Variants in RBFOX1 observed in about 807,000 individuals in gnomAD.
RBFOX1 encodes the protein RNA binding fox-1 homolog 1.
Under a neutral mutation model 57.7 loss-of-function variants are expected in RBFOX1, and 8 were observed. That is an observed-to-expected ratio of 0.14 (90% CI 0.08 to 0.25). RBFOX1 has a LOEUF of 0.25. Ranked by LOEUF, RBFOX1 falls within the 10% of genes least tolerant of loss-of-function variation. RBFOX1 has a pLI of 1.00. For synonymous variants in RBFOX1, 326 were observed against 222.4 expected (o/e 1.47, Z -4.15); for missense variants, 611 against 548.5 (o/e 1.11, Z -1.14).
At chr16:7,119,429 T>G (rs1038103) in intron 4 of RBFOX1, among the ~76,000 whole-genome samples, 97,883 of 151,946 alleles carry the variant, frequency 0.64, 31,844 homozygotes, top group East Asian at 0.88. Context: ...TCAAATTACT[T>G]TGGCAGACAG....
At chr16:7,334,885 C>G (rs1312610312) in intron 4 of RBFOX1, among the ~76,000 whole-genome samples, 2 of 152,138 alleles carry the variant, frequency 1.3e-5, no homozygotes, top group Non-Finnish European at 2.9e-5. Context: ...CTGTGTTTTT[C>G]CAAGCGACAC....
At chr16:5,687,173 C>G (rs1485510154) in intron 3 of RBFOX1, among the ~76,000 whole-genome samples, 1 of 152,066 alleles carries the variant, frequency 6.6e-6, no homozygotes, top group East Asian at 1.9e-4. Context: ...CAGACTTCTC[C>G]CAGTACAGTG....
chr16:7,566,856 C>T lies in RBFOX1; in HGVS notation c.271-12921C>T, dbSNP rs899774043. The stretch of plus-strand genomic sequence containing the variant: ...AGGGAGCTTGTGAACTTTCTGAAAT[C>T]GTATGCAAAATTTAGGTGTATGTGT... On this transcript the variant is annotated intron_variant, in intron 5 of 15. Coordinates refer to ENST00000550418, the MANE Select transcript of RBFOX1 (RefSeq NM_018723.4). Among the ~76,000 whole-genome samples the T allele has an allele frequency of 1.6e-4, 24 of 151,732 alleles. 1 individual carries two copies. The highest frequency in any genetic ancestry group is 5.8e-4 in the African/African-American group (24 of 41,304).
intron 3 of RBFOX1, among the ~76,000 whole-genome samples, chr16:6,680,919 T>C (rs2058555633): frequency 6.6e-6 from 1 of 152,208 alleles, no homozygotes; most frequent in Non-Finnish European, 1.5e-5. Context: ...AAGATTACAA[T>C]ATAAATGCAA....
In RBFOX1 at chr16:5,893,271, C is replaced by T. The variant is rs139736351; in HGVS notation, c.351+25936C>T. ...TAGCATAGTATTTTACAAGTAAATA[C>T]GTGGCAGCCTTTGAAGGTGTTAAGA... On this transcript the variant is annotated intron_variant, in intron 4 of 19. Transcript: ENST00000641259. Among the ~76,000 whole-genome samples, 641 of 152,268 alleles carry T rather than the reference C, an allele frequency of 4.2e-3. 3 individuals are homozygous for T. The highest frequency in any genetic ancestry group is 0.013 in the African/African-American group (557 of 41,540).
At chr16:5,851,437 T>C (rs2056895143) in intron 3 of RBFOX1, among the ~76,000 whole-genome samples, 1 of 152,160 alleles carries the variant, frequency 6.6e-6, no homozygotes, top group Admixed American at 6.6e-5. Flanking sequence ...TTCCTCTGTG[T>C]GTTTTCCAAG....
At chr16:5,553,994 A>G (rs1402986707) in intron 2 of RBFOX1, among the ~76,000 whole-genome samples, 1 of 145,638 alleles carries the variant, frequency 6.9e-6, no homozygotes, top group Non-Finnish European at 1.5e-5. Context: ...TTTGAGACAG[A>G]GTCTTGCTGT....
chr16:6,852,863 C>A (rs1321991254), intron 3 of RBFOX1, among the ~76,000 whole-genome samples: 1 of 151,838 alleles, frequency 6.6e-6, no homozygotes, highest in Non-Finnish European at 1.5e-5. Flanking sequence ...AACTGCTGTC[C>A]AGGTGAGGTG....
intron 2 of RBFOX1, among the ~76,000 whole-genome samples, chr16:5,522,305 C>T: frequency 6.6e-6 from 1 of 152,286 alleles, no homozygotes; most frequent in South Asian, 2.1e-4. Flanking sequence ...CATAATAGAG[C>T]TCATCTTGGT....
chr16:5,447,378 A>ATCTCTCTCTCTCTCTCTCTCTCTCTC (rs71142623), intron 1 of RBFOX1, among the ~76,000 whole-genome samples: 19 of 134,452 alleles, frequency 1.4e-4, no homozygotes, highest in African/African-American at 5.1e-4. Flanking sequence ...CAATCAATCA[A>ATCTCTCTCTCTCTCTCTCTCTCTCTC]TCTCTCTCTC....
At chr16:7,696,709 T>G (rs1198628859) in intron 14 of RBFOX1, among the ~76,000 whole-genome samples, 7 of 152,058 alleles carry the variant, frequency 4.6e-5, no homozygotes, top group Non-Finnish European at 2.9e-5. Context: ...ATAATATATA[T>G]GCATAGTAAG....
rs1235985275 is a variant in RBFOX1, at chr16:6,797,161, G to C, written c.-16+142511G>C. Among the ~76,000 whole-genome samples the C allele has an allele frequency of 2.0e-5, 3 of 152,182 alleles. No homozygotes were observed. The East Asian group carries it at 5.8e-4, about 29-fold the overall frequency. ...ACTCTGCAGATAGGCAGCAGCAGCA[G>C]CAGAATTTGTTAGCAAGGATCAGTC... On this transcript the variant is annotated intron_variant, in intron 3 of 15. Transcript: ENST00000550418.
intron 4 of RBFOX1, among the ~76,000 whole-genome samples, chr16:7,161,151 CT>C (rs2078244841): frequency 6.6e-6 from 1 of 152,102 alleles, no homozygotes; most frequent in Admixed American, 6.6e-5. Flanking sequence ...TTTTATACCA[CT>C]TTCTATCTCT....
At chr16:6,931,206 A>G (rs1448551271) in intron 3 of RBFOX1, among the ~76,000 whole-genome samples, 1 of 149,438 alleles carries the variant, frequency 6.7e-6, no homozygotes, top group Non-Finnish European at 1.5e-5. Flanking sequence ...AATATTTTTA[A>G]CCTCTTCTCT....
chr16:7,545,942 C>T (rs142080767), intron 5 of RBFOX1, among the ~76,000 whole-genome samples: 1 of 150,368 alleles, frequency 6.7e-6, no homozygotes, highest in South Asian at 2.1e-4. Flanking sequence ...CAGATGTGAG[C>T]ATGCCTTAGA....
chr16:6,715,252 G>A (rs1327155965), intron 3 of RBFOX1, among the ~76,000 whole-genome samples: 1 of 119,584 alleles, frequency 8.4e-6, no homozygotes, highest in Non-Finnish European at 1.7e-5. Flanking sequence ...GGCAATGCAG[G>A]ATAAAGTTTT....
intron 1 of RBFOX1, among the ~76,000 whole-genome samples, chr16:6,186,801 A>C (rs2097108291): frequency 6.6e-6 from 1 of 152,146 alleles, no homozygotes; most frequent in Non-Finnish European, 1.5e-5. Context: ...GAGATGGAAG[A>C]AGAGGTCAAT....
chr16:5,984,564 T>C (rs1171909478), intron 4 of RBFOX1, among the ~76,000 whole-genome samples: 4 of 152,090 alleles, frequency 2.6e-5, no homozygotes, highest in African/African-American at 9.7e-5. Flanking sequence ...TGGAACAATC[T>C]TATGAGAGAA....
intron 1 of RBFOX1, among the ~76,000 whole-genome samples, chr16:5,422,079 G>A (rs970649585): frequency 1.5e-4 from 23 of 152,278 alleles, no homozygotes; most frequent in African/African-American, 5.1e-4. Context: ...TGTTGACTCA[G>A]CCATCTTGCT....
Sources: gnomAD v4.1 joint callset for allele counts (sites outside exome capture counted in the v4.1 genomes callset) on GRCh38, gnomAD v4.1.1 for gene constraint, MANE v1.5 for transcripts, NCBI Gene and HGNC (gene_info 2026-07-23, HGNC 2026-07-21) for gene names.